Variants in NYAP2 observed in about 807,000 individuals in gnomAD.
The protein encoded by NYAP2 is neuronal tyrosine-phosphorylated phosphoinositide-3-kinase adapter 2.
Under a neutral mutation model 50.4 loss-of-function variants are expected in NYAP2, and 23 were observed. That is an observed-to-expected ratio of 0.46 (90% CI 0.33 to 0.65). The LOEUF (loss-of-function observed/expected upper bound fraction) is 0.65. Ranked by LOEUF, NYAP2 falls within the 30% of genes least tolerant of loss-of-function variation. The pLI, the probability that NYAP2 is intolerant of heterozygous loss-of-function variation, is 0.02. For synonymous variants in NYAP2, 394 were observed against 365.2 expected, an observed-to-expected ratio of 1.08 and a Z score of -0.90; for missense variants, 885 against 861.0, an observed-to-expected ratio of 1.03 and a Z score of -0.35.
At chr2:225,538,755 T>C (rs1417485707) in intron 4 of NYAP2, among the ~76,000 whole-genome samples, 1 of 103,430 alleles carries the variant, frequency 9.7e-6, no homozygotes, top group Non-Finnish European at 2.0e-5. Context: ...AAATGAGATT[T>C]TCTTTTCTTT....
At chr2:225,596,898 G>T (rs1038064588) in intron 5 of NYAP2, among the ~76,000 whole-genome samples, 5 of 152,074 alleles carry the variant, frequency 3.3e-5, no homozygotes, top group Admixed American at 2.0e-4. Flanking sequence ...GCATGGTATT[G>T]AATACAGTCC....
chr2:225,623,130 T>C (rs1312109889), intron 5 of NYAP2, among the ~76,000 whole-genome samples: 2 of 152,212 alleles, frequency 1.3e-5, no homozygotes, highest in Admixed American at 6.5e-5. Context: ...TTTCTGAGAC[T>C]GTATTGGAAG....
At chr2:225,620,781 T>G (rs2106253588) in intron 5 of NYAP2, among the ~76,000 whole-genome samples, 1 of 152,276 alleles carries the variant, frequency 6.6e-6, no homozygotes, top group African/African-American at 2.4e-5. Context: ...AGGCTTTTAT[T>G]TAATTGAGGC....
downstream of NYAP2, among the ~76,000 whole-genome samples, chr2:225,654,459 G>T (rs959619148): frequency 6.6e-6 from 1 of 152,122 alleles, no homozygotes; most frequent in African/African-American, 2.4e-5. Context: ...GAGGCAGGTG[G>T]ATCACCTGAC....
At chr2:225,518,850 C>T (rs1434615639) in intron 4 of NYAP2, among the ~76,000 whole-genome samples, 3 of 151,392 alleles carry the variant, frequency 2.0e-5, no homozygotes, top group East Asian at 2.0e-4. Context: ...GAAACCCCAT[C>T]GGTCTAAAAA....
At chr2:225,649,095 CGTGTGTATGT>C (rs769423013) in intron 6 of NYAP2, among the ~76,000 whole-genome samples, 38 of 152,124 alleles carry the variant, frequency 2.5e-4, no homozygotes, top group Non-Finnish European at 4.6e-4. Context: ...TGTGCAAGTG[CGTGTGTATGT>C]GTGTGTATGT....
At chr2:225,531,272 C>T (rs537239576) in intron 4 of NYAP2, among the ~76,000 whole-genome samples, 3 of 152,280 alleles carry the variant, frequency 2.0e-5, no homozygotes, top group Admixed American at 2.0e-4. Flanking sequence ...CCTCTGTGCC[C>T]TTGCTTGTAA....
intron 4 of NYAP2, among the ~76,000 whole-genome samples, chr2:225,538,778 T>TTTTC (rs201335435): frequency 1.7e-3 from 133 of 76,068 alleles, no homozygotes; most frequent in Admixed American, 3.3e-3. Context: ...TTTTCTTTTC[T>TTTTC]TTTCTTTCTT....
At chr2:225,478,701 T>C (rs1435974207) in intron 3 of NYAP2, among the ~76,000 whole-genome samples, 19 of 152,210 alleles carry the variant, frequency 1.2e-4, no homozygotes. Context: ...CAAATTTTCA[T>C]GAAAATACAA....
intron 3 of NYAP2, among the ~76,000 whole-genome samples, chr2:225,486,483 C>T (rs796807005): frequency 3.3e-5 from 5 of 152,158 alleles, no homozygotes; most frequent in African/African-American, 9.7e-5. Context: ...AGCAGGCAGG[C>T]GCAGGCACTG....
At chr2:225,674,589 T>C in the NYAP2 span, among the ~76,000 whole-genome samples, 1 of 152,068 alleles carries the variant, frequency 6.6e-6, no homozygotes, top group East Asian at 1.9e-4. Context: ...GCAGGAAAAC[T>C]GCCCTCAATC....
chr2:225,502,714 A>G (rs1218345319), intron 3 of NYAP2, among the ~76,000 whole-genome samples: 1 of 152,138 alleles, frequency 6.6e-6, no homozygotes, highest in Non-Finnish European at 1.5e-5. Context: ...GAGAAGCCAC[A>G]TCTTCCCATG....
chr2:225,692,097 C>T, the NYAP2 span, among the ~76,000 whole-genome samples: 3 of 152,074 alleles, frequency 2.0e-5, no homozygotes, highest in Non-Finnish European at 2.9e-5. Context: ...GTTAACAAGG[C>T]GCTTGCTTGG....
the NYAP2 span, among the ~76,000 whole-genome samples, chr2:225,661,149 T>A: frequency 6.6e-6 from 1 of 152,148 alleles, no homozygotes; most frequent in Non-Finnish European, 1.5e-5. Flanking sequence ...AGCTTGAGAG[T>A]CTTTCCGGAA....
the NYAP2 span, among the ~76,000 whole-genome samples, chr2:225,666,911 A>G: frequency 4.2e-4 from 62 of 147,354 alleles, no homozygotes; most frequent in Non-Finnish European, 8.6e-4. Context: ...AAAATACAGC[A>G]AAGAAACATG....
chr2:225,497,575 T>A (rs10186605), intron 3 of NYAP2, among the ~76,000 whole-genome samples: 31,994 of 152,148 alleles, frequency 0.21, 4,480 homozygotes, highest in African/African-American at 0.4. Flanking sequence ...TAGGAAAAAC[T>A]CTTCATGAAT....
chr2:225,626,226 T>C (rs938803345), intron 5 of NYAP2, among the ~76,000 whole-genome samples: 2 of 152,174 alleles, frequency 1.3e-5, no homozygotes, highest in East Asian at 1.9e-4. Context: ...AGGCATCTGA[T>C]AAAATATTTA....
intron 3 of NYAP2, among the ~76,000 whole-genome samples, chr2:225,456,022 T>G (rs1689732921): frequency 3.3e-5 from 5 of 152,220 alleles, no homozygotes; most frequent in African/African-American, 1.2e-4. Flanking sequence ...ATCAGCATAT[T>G]CATTCCCCAG....
At chr2:225,440,958 G>T (rs1689460625) in intron 3 of NYAP2, among the ~76,000 whole-genome samples, 2 of 152,298 alleles carry the variant, frequency 1.3e-5, no homozygotes, top group Middle Eastern at 3.4e-3. Flanking sequence ...ATGGAGGCTG[G>T]TGTCAAGGAG....
Sources: gnomAD v4.1 joint callset for allele counts (sites outside exome capture counted in the v4.1 genomes callset) on GRCh38, gnomAD v4.1.1 for gene constraint, MANE v1.5 for transcripts, NCBI Gene and HGNC (gene_info 2026-07-23, HGNC 2026-07-21) for gene names.